Variants in CXADR observed in about 807,000 individuals in gnomAD.
CXADR encodes coxsackievirus and adenovirus receptor.
A neutral mutation model predicts 40.3 loss-of-function variants in CXADR; 20 were observed. The observed-to-expected ratio is 0.50, with a 90% CI of 0.35 to 0.72. CXADR has a LOEUF of 0.72. CXADR is among the 30% of genes least tolerant of loss of function. CXADR has a pLI of 0.01. For synonymous variants in CXADR, 150 were observed against 161.3 expected, an observed-to-expected ratio of 0.93 and a Z score of 0.53; for missense variants, 332 against 449.1, an observed-to-expected ratio of 0.74 and a Z score of 2.36.
chr21:17,620,874 G>T, the CXADR span, among the ~76,000 whole-genome samples: 18 of 152,276 alleles, frequency 1.2e-4, no homozygotes, highest in East Asian at 3.5e-3. Flanking sequence ...TGCAACTGTG[G>T]GAGCTAGCAA....
chr21:17,576,140 A>G (rs944949555), intron 7 of CXADR, among the ~76,000 whole-genome samples: 4 of 152,038 alleles, frequency 2.6e-5, no homozygotes, highest in Non-Finnish European at 5.9e-5. Flanking sequence ...AAAAAGAAAC[A>G]TGCCCAACAG....
chr21:17,590,617 G>C (rs1569163708), intron 7 of CXADR, among the ~76,000 whole-genome samples: 1 of 149,598 alleles, frequency 6.7e-6, no homozygotes, highest in South Asian at 2.1e-4. Context: ...GGATATTGTT[G>C]TGTTTCCGTA....
chr21:17,550,351 C>CA (rs34284825), intron 2 of CXADR, among the ~76,000 whole-genome samples: 30,060 of 130,700 alleles, frequency 0.23, 3,780 homozygotes, highest in East Asian at 0.4. Flanking sequence ...AAGACTGTCT[C>CA]AAAAAAAAAA....
intron 7 of CXADR, among the ~76,000 whole-genome samples, chr21:17,591,958 A>G (rs1200961631): frequency 1.3e-5 from 2 of 151,960 alleles, no homozygotes; most frequent in Non-Finnish European, 2.9e-5. Context: ...CATATTTATG[A>G]GAGCTTTCTT....
intron 1 of CXADR, among the ~76,000 whole-genome samples, chr21:17,538,788 A>G (rs1032507877): frequency 1.3e-5 from 2 of 152,168 alleles, no homozygotes; most frequent in African/African-American, 4.8e-5. Flanking sequence ...ACAGCACTTC[A>G]GCCTGGGCAA....
the CXADR span, among the ~76,000 whole-genome samples, chr21:17,625,334 A>T: frequency 1.3e-5 from 2 of 152,280 alleles, no homozygotes; most frequent in Middle Eastern, 6.8e-3. Context: ...GAAAGAAAAA[A>T]ATTTATTGCA....
chr21:17,609,157 A>G, the CXADR span: 1 of 1,604,632 alleles, frequency 6.2e-7, no homozygotes, highest in Non-Finnish European at 8.5e-7. Flanking sequence ...TTTTCCCTGC[A>G]AAGATAAAAC....
At chr21:17,547,822 AC>A (rs544260054) in intron 2 of CXADR, among the ~76,000 whole-genome samples, 27 of 152,288 alleles carry the variant, frequency 1.8e-4, no homozygotes, top group Admixed American at 6.5e-4. Flanking sequence ...AGAGCAAAAA[AC>A]AATCTATAAA....
chr21:17,538,137 G>T (rs1162938053), intron 1 of CXADR, among the ~76,000 whole-genome samples: 2 of 152,086 alleles, frequency 1.3e-5, no homozygotes, highest in Non-Finnish European at 2.9e-5. Flanking sequence ...GAGCAGCTGA[G>T]ACCGTAGGCA....
chr21:17,614,409 A>C, the CXADR span, among the ~76,000 whole-genome samples: 2 of 152,078 alleles, frequency 1.3e-5, no homozygotes, highest in Non-Finnish European at 2.9e-5. Flanking sequence ...TATTCAAAAA[A>C]TACAGGCAAG....
At chr21:17,536,391 G>C (rs1169511870) in intron 1 of CXADR, among the ~76,000 whole-genome samples, 11 of 152,116 alleles carry the variant, frequency 7.2e-5, no homozygotes, top group Non-Finnish European at 1.6e-4. Flanking sequence ...TCCCATGTAG[G>C]CTTCATTGTT....
At chr21:17,562,558 T>C (rs1248043209) in intron 6 of CXADR, among the ~76,000 whole-genome samples, 4 of 152,216 alleles carry the variant, frequency 2.6e-5, no homozygotes, top group African/African-American at 7.2e-5. Context: ...CTGGGCTGCA[T>C]TGGCTCCTGC....
chr21:17,575,406 TC>T (rs1214873558), intron 7 of CXADR, among the ~76,000 whole-genome samples: 2 of 151,722 alleles, frequency 1.3e-5, no homozygotes, highest in African/African-American at 4.8e-5. Flanking sequence ...GGTTTGGAAC[TC>T]CTGAACTCAA....
chr21:17,621,833 T>C, the CXADR span, among the ~76,000 whole-genome samples: 1 of 152,234 alleles, frequency 6.6e-6, no homozygotes, highest in Non-Finnish European at 1.5e-5. Flanking sequence ...AAGTATTTTG[T>C]TGTAGCAGCA....
chr21:17,575,370 A>G (rs2061313897), intron 7 of CXADR, among the ~76,000 whole-genome samples: 1 of 149,864 alleles, frequency 6.7e-6, no homozygotes, highest in African/African-American at 2.5e-5. Flanking sequence ...TTTGGTAGAG[A>G]GAGGTCTTGC....
At chr21:17,554,263 T>C (rs2824352) in intron 3 of CXADR, among the ~76,000 whole-genome samples, 7,440 of 137,080 alleles carry the variant, frequency 0.054, 589 homozygotes, top group African/African-American at 0.17. Context: ...GCAGAACATG[T>C]CCCAAAAAGG....
chr21:17,544,755 C>T (rs996141265), intron 1 of CXADR, among the ~76,000 whole-genome samples: 1 of 152,048 alleles, frequency 6.6e-6, no homozygotes, highest in African/African-American at 2.4e-5. Flanking sequence ...AATTTGAATC[C>T]CAATTTAAAT....
downstream of CXADR, among the ~76,000 whole-genome samples, chr21:17,574,934 TCACTC>T (rs1371658754): frequency 1.3e-5 from 2 of 151,940 alleles, no homozygotes; most frequent in Admixed American, 6.6e-5. Context: ...TATGGGCACT[TCACTC>T]AAATAGGAAG....
At chr21:17,612,343 A>T in the CXADR span, 1 of 152,060 alleles carries the variant, frequency 6.6e-6, no homozygotes, top group Non-Finnish European at 1.5e-5. Context: ...CTCCAGAAAA[A>T]ACACCGACGC....
Sources: gnomAD v4.1 joint callset for allele counts (sites outside exome capture counted in the v4.1 genomes callset) on GRCh38, gnomAD v4.1.1 for gene constraint, MANE v1.5 for transcripts, NCBI Gene and HGNC (gene_info 2026-07-23, HGNC 2026-07-21) for gene names.